PTPRN2: variants seen among roughly 807,000 people sequenced by gnomAD.
The protein encoded by PTPRN2 is receptor-type tyrosine-protein phosphatase N2.
Under a neutral mutation model 118.8 loss-of-function variants are expected in PTPRN2, and 74 were observed. The observed-to-expected ratio is 0.62, with a 90% confidence interval of 0.52 to 0.76. The LOEUF (loss-of-function observed/expected upper bound fraction) is 0.76, where lower values mean the gene tolerates loss of function less well. PTPRN2 is among the 30% of genes least tolerant of loss of function. The pLI, the probability that PTPRN2 is intolerant of heterozygous loss-of-function variation, is 0.00. For missense variants in PTPRN2, 1,481 were observed against 1,394.4 expected (o/e 1.06, Z -0.99); for synonymous variants, 641 against 608.0 (o/e 1.05, Z -0.80).
intron 12 of PTPRN2, among the ~76,000 whole-genome samples, chr7:157,788,631 C>T (rs775669585): frequency 6.6e-6 from 1 of 152,210 alleles, no homozygotes; most frequent in Non-Finnish European, 1.5e-5. Flanking sequence ...CACATGGAGC[C>T]CAGCTCCCAG....
chr7:157,814,420 G>A (rs1362500275), intron 12 of PTPRN2, among the ~76,000 whole-genome samples: 7 of 151,866 alleles, frequency 4.6e-5, no homozygotes, highest in African/African-American at 1.2e-4. Flanking sequence ...GAGAACTGGC[G>A]CTCGACATGG....
At chr7:157,572,536 G>C (rs978202052) in intron 19 of PTPRN2, among the ~76,000 whole-genome samples, 5 of 152,356 alleles carry the variant, frequency 3.3e-5, no homozygotes, top group Non-Finnish European at 5.9e-5. Context: ...TGGAAGGAGA[G>C]GGGAGGTGAG....
At chr7:157,800,732 C>G (rs1163538044) in intron 12 of PTPRN2, among the ~76,000 whole-genome samples, 1 of 151,962 alleles carries the variant, frequency 6.6e-6, no homozygotes. Flanking sequence ...GCGGGCGGAT[C>G]ACGAGGTCAG....
chr7:157,573,060 T>C (rs575972240), intron 19 of PTPRN2, among the ~76,000 whole-genome samples: 3 of 152,344 alleles, frequency 2.0e-5, no homozygotes, highest in African/African-American at 7.2e-5. Flanking sequence ...GACCCACTTA[T>C]GTCTACTTCT....
At position 157,574,205 on chromosome 7, in the gene PTPRN2, C is replaced by A. The variant is rs185697353; in HGVS notation, c.2783+2408G>T. The A allele has an allele frequency of 1.4e-4, 43 of 298,832 alleles. 1 individual carries two copies. Among genetic ancestry groups the A allele is most frequent in the Admixed American group, 2.5e-4 (8 of 31,708 alleles). The allele number at this position is 298,832 out of a possible 1,614,324, so 18.5% of individuals were successfully genotyped here. ...ACAACAGGAATTCACTGAGAAAGAA[C>A]GATTAGTGATACAAACCAACCCAGG... On this transcript the variant is annotated intron_variant, in intron 19 of 22. Coordinates refer to ENST00000389418, the MANE Select transcript of PTPRN2 (RefSeq NM_002847.5).
intron 11 of PTPRN2, among the ~76,000 whole-genome samples, chr7:158,038,568 T>C (rs1808236787): frequency 6.6e-6 from 1 of 151,804 alleles, no homozygotes; most frequent in East Asian, 1.9e-4. Context: ...TTTTATAACA[T>C]ATATAATGCA....
chr7:158,091,767 G>C (rs955316210), intron 10 of PTPRN2, among the ~76,000 whole-genome samples: 1 of 138,784 alleles, frequency 7.2e-6, no homozygotes, highest in Non-Finnish European at 1.5e-5. Context: ...GATGGGTAGA[G>C]AGATGGTTGG....
chr7:158,368,767 C>A (rs1053743927), intron 2 of PTPRN2, among the ~76,000 whole-genome samples: 3 of 152,214 alleles, frequency 2.0e-5, no homozygotes, highest in Admixed American at 6.5e-5. Context: ...CCCCCCAAGT[C>A]TTCCTCCTTG....
At chr7:157,675,715 C>A (rs746306025) in intron 13 of PTPRN2, among the ~76,000 whole-genome samples, 4 of 152,092 alleles carry the variant, frequency 2.6e-5, no homozygotes, top group African/African-American at 4.8e-5. Context: ...CGCTGCAGAC[C>A]GGGCAAGTCA....
At chr7:158,466,112 A>G (rs903546747) in intron 2 of PTPRN2, among the ~76,000 whole-genome samples, 2 of 152,206 alleles carry the variant, frequency 1.3e-5, no homozygotes, top group Non-Finnish European at 2.9e-5. Context: ...GGATACATAC[A>G]TGCATACTGA....
intron 13 of PTPRN2, among the ~76,000 whole-genome samples, chr7:157,680,624 T>C (rs949687127): frequency 2.6e-5 from 4 of 152,188 alleles, no homozygotes; most frequent in Admixed American, 6.5e-5. Flanking sequence ...AACAACACAA[T>C]GGTTCGGCAC....
chr7:158,346,894 T>C (rs770523519), intron 2 of PTPRN2, among the ~76,000 whole-genome samples: 2 of 152,248 alleles, frequency 1.3e-5, no homozygotes, highest in Non-Finnish European at 2.9e-5. Context: ...GCCATTTTTA[T>C]GTCTTCTTTT....
At chr7:158,204,023 T>C (rs1044579556) in intron 4 of PTPRN2, among the ~76,000 whole-genome samples, 19 of 150,898 alleles carry the variant, frequency 1.3e-4, no homozygotes, top group Non-Finnish European at 2.5e-4. Context: ...GCCCCTGCCC[T>C]CAGCGTGAGC....
intron 11 of PTPRN2, among the ~76,000 whole-genome samples, chr7:158,021,125 C>T (rs755338278): frequency 2.0e-5 from 3 of 152,200 alleles, no homozygotes; most frequent in Non-Finnish European, 2.9e-5. Flanking sequence ...ACTTTTCTCA[C>T]AAACAAATCC....
At chr7:158,280,767 G>C (rs564727756) in intron 3 of PTPRN2, among the ~76,000 whole-genome samples, 5 of 152,346 alleles carry the variant, frequency 3.3e-5, no homozygotes, top group Admixed American at 3.3e-4. Context: ...TGGAAGTGTT[G>C]TTTGCAGAGA....
In PTPRN2 at chr7:157,985,243, C is replaced by CT. The variant is rs553113593; in HGVS notation, c.1724-86507dup. Among the ~76,000 whole-genome samples the CT allele has an allele frequency of 2.6e-3, 390 of 152,328 alleles. 1 individual carries two copies. Among genetic ancestry groups the CT allele is most frequent in the South Asian group, 7.0e-3 (34 of 4,830 alleles). Reference sequence around the variant, plus strand: ...AACTAAATAATCACAACCAATCACTCTTTTTTTAGAAAAAAGCAGCAGCTC... The same window carrying CT: ...AACTAAATAATCACAACCAATCACTCTTTTTTTTAGAAAAAAGCAGCAGCTC... On this transcript the variant is annotated intron_variant, in intron 11 of 22. Coordinates refer to ENST00000389418, the MANE Select transcript of PTPRN2 (RefSeq NM_002847.5).
At chr7:158,495,446 T>C (rs56063566) in intron 1 of PTPRN2, among the ~76,000 whole-genome samples, 70,675 of 151,852 alleles carry the variant, frequency 0.47, 16,746 homozygotes, top group East Asian at 0.68. Context: ...CCTTCTCCCT[T>C]GCATTCTCAG....
rs115650644 is a variant in PTPRN2, at chr7:158,508,269, G to A, written c.113-18484C>T. 1.4e-3 allele frequency among the ~76,000 whole-genome samples: 212 copies of A among 152,304 alleles called. 5 individuals carry two copies. The highest frequency in any genetic ancestry group is 0.012 in the Admixed American group (186 of 15,304). ...GCAGGAGATGACACTGTGGTCATCC[G>A]AAAGCTTTCGATGGTCGGCAGGACT... On this transcript the variant is annotated intron_variant, in intron 1 of 22. Coordinates refer to ENST00000389418, the MANE Select transcript of PTPRN2 (RefSeq NM_002847.5).
At chr7:158,124,937 C>G (rs1817499786) in intron 9 of PTPRN2, among the ~76,000 whole-genome samples, 1 of 152,170 alleles carries the variant, frequency 6.6e-6, no homozygotes, top group Admixed American at 6.5e-5. Context: ...TGCTGGTGCG[C>G]AAGAGAGAAG....
Sources: allele counts gnomAD v4.1 joint callset (sites outside exome capture counted in the v4.1 genomes callset), GRCh38; gene constraint gnomAD v4.1.1; transcripts MANE v1.5; gene names NCBI Gene and HGNC (gene_info 2026-07-23, HGNC 2026-07-21).